The following CLPB variants were observed in gnomAD, a reference collection of about 807,000 sequenced individuals.
CLPB encodes mitochondrial disaggregase.
In CLPB, 40 loss-of-function variants were observed where a neutral mutation model predicts 78.4. The observed-to-expected ratio is 0.51, with a 90% confidence interval of 0.40 to 0.66. CLPB has a LOEUF of 0.66. Ranked by LOEUF, CLPB falls within the 30% of genes least tolerant of loss-of-function variation. The probability of loss-of-function intolerance (pLI) is 0.00; values close to 1 mark genes in which losing one functional copy is unlikely to be tolerated. For synonymous variants in CLPB, 333 were observed against 348.0 expected, an observed-to-expected ratio of 0.96 and a Z score of 0.48; for missense variants, 780 against 886.9, an observed-to-expected ratio of 0.88 and a Z score of 1.53.
At chr11:72,373,110 C>A in intron 4 of CLPB, 1 of 1,014,760 alleles carries the variant, frequency 9.9e-7, no homozygotes, top group Non-Finnish European at 1.5e-6. Flanking sequence ...TGGGGTTGTT[C>A]CAAGCCCTCT....
intron 5 of CLPB, among the ~76,000 whole-genome samples, chr11:72,341,727 G>A (rs974808189): frequency 2.6e-5 from 4 of 152,218 alleles, no homozygotes; most frequent in Non-Finnish European, 5.9e-5. Flanking sequence ...AGGCCCACAG[G>A]ATGATCCCAA....
chr11:72,383,188 C>A (rs1256170168), intron 3 of CLPB, among the ~76,000 whole-genome samples: 1 of 151,058 alleles, frequency 6.6e-6, no homozygotes, highest in Non-Finnish European at 1.5e-5. Context: ...AGATTCAGTC[C>A]AAATAACACT....
chr11:72,337,932 C>T (rs1950350754), intron 5 of CLPB, among the ~76,000 whole-genome samples: 1 of 152,190 alleles, frequency 6.6e-6, no homozygotes, highest in Admixed American at 6.5e-5. Context: ...TGGTGACACA[C>T]ATTAAGTAAC....
intron 4 of CLPB, among the ~76,000 whole-genome samples, chr11:72,370,384 A>C (rs1424532242): frequency 6.6e-6 from 1 of 152,186 alleles, no homozygotes; most frequent in Non-Finnish European, 1.5e-5. Flanking sequence ...TGGCTGATTC[A>C]TTTAATCATG....
At chr11:72,409,148 T>C (rs990253998) in intron 2 of CLPB, among the ~76,000 whole-genome samples, 2 of 152,136 alleles carry the variant, frequency 1.3e-5, no homozygotes, top group African/African-American at 4.8e-5. Flanking sequence ...AGGGTGGGCA[T>C]AGTGGGCCTT....
At chr11:72,397,497 T>C (rs768593895) in intron 3 of CLPB, among the ~76,000 whole-genome samples, 19 of 152,318 alleles carry the variant, frequency 1.2e-4, no homozygotes, top group Non-Finnish European at 2.2e-4. Context: ...CTATCAGTGA[T>C]GTATCAATAT....
At chr11:72,326,361 T>C (rs1047647239) in intron 6 of CLPB, among the ~76,000 whole-genome samples, 1 of 152,196 alleles carries the variant, frequency 6.6e-6, no homozygotes, top group African/African-American at 2.4e-5. Flanking sequence ...TATCAGACTA[T>C]AGCTCCTTGA....
intron 5 of CLPB, among the ~76,000 whole-genome samples, chr11:72,330,796 C>A (rs188302789): frequency 4.5e-4 from 68 of 152,200 alleles, no homozygotes; most frequent in African/African-American, 1.5e-3. Context: ...TTACACAGAA[C>A]ATTAAGGTAA....
chr11:72,303,046 A>T (rs1949688052), intron 9 of CLPB: 1 of 152,324 alleles, frequency 6.6e-6, no homozygotes, highest in African/African-American at 2.4e-5. Flanking sequence ...GGCCATGGTT[A>T]GCCCTTGGGG....
chr11:72,391,944 G>A (rs538582661), intron 3 of CLPB, among the ~76,000 whole-genome samples: 2 of 152,256 alleles, frequency 1.3e-5, no homozygotes, highest in East Asian at 3.9e-4. Flanking sequence ...CAATAAATGG[G>A]AGGGCAGTTA....
intron 3 of CLPB, among the ~76,000 whole-genome samples, chr11:72,394,293 TCTCACA>T (rs1421986630): frequency 2.0e-5 from 3 of 152,170 alleles, no homozygotes; most frequent in Non-Finnish European, 2.9e-5. Flanking sequence ...AACTAGACCA[TCTCACA>T]GTTCCTAGAG....
intron 4 of CLPB, among the ~76,000 whole-genome samples, chr11:72,363,759 T>C (rs3741163): frequency 0.56 from 85,244 of 152,068 alleles, 26,987 homozygotes; most frequent in Non-Finnish European, 0.7. Flanking sequence ...TAAGCCTGAG[T>C]GGCTCCATGG....
intron 5 of CLPB, among the ~76,000 whole-genome samples, chr11:72,341,762 T>C (rs1453169407): frequency 2.0e-5 from 3 of 152,148 alleles, no homozygotes; most frequent in African/African-American, 7.2e-5. Context: ...ATCATCCTCA[T>C]CCTCTCTTGG....
chr11:72,339,183 T>A (rs142809572), intron 5 of CLPB, among the ~76,000 whole-genome samples: 2 of 152,274 alleles, frequency 1.3e-5, no homozygotes, highest in African/African-American at 4.8e-5. Flanking sequence ...AGATGGAAGA[T>A]TGACATTAAG....
chr11:72,325,768 T>C (rs1273211194), intron 6 of CLPB, among the ~76,000 whole-genome samples: 1 of 152,024 alleles, frequency 6.6e-6, no homozygotes. Context: ...TAAGAGGGAA[T>C]GGGGGGCCCT....
intron 3 of CLPB, among the ~76,000 whole-genome samples, chr11:72,391,404 A>G (rs1855250959): frequency 6.6e-6 from 1 of 152,050 alleles, no homozygotes; most frequent in Non-Finnish European, 1.5e-5. Context: ...TGACCCTCAT[A>G]TTGTATCATG....
At chr11:72,368,223 C>T (rs1950979464) in intron 4 of CLPB, among the ~76,000 whole-genome samples, 1 of 152,150 alleles carries the variant, frequency 6.6e-6, no homozygotes, top group South Asian at 2.1e-4. Context: ...TCCTCCAATA[C>T]TCAGACAACT....
intron 9 of CLPB, among the ~76,000 whole-genome samples, chr11:72,303,647 T>C (rs1949698456): frequency 6.6e-6 from 1 of 152,108 alleles, no homozygotes; most frequent in African/African-American, 2.4e-5. Flanking sequence ...TAAGGCCACA[T>C]GGGGGAAAGC....
chr11:72,297,696 TGTGTGTGA>T (rs1949579686), intron 11 of CLPB, among the ~76,000 whole-genome samples: 2 of 119,490 alleles, frequency 1.7e-5, no homozygotes, highest in African/African-American at 7.7e-5. Flanking sequence ...TGTGTGTGTG[TGTGTGTGA>T]CATGTCCAAG....
Sources: gnomAD v4.1 joint callset for allele counts (sites outside exome capture counted in the v4.1 genomes callset) on GRCh38, gnomAD v4.1.1 for gene constraint, MANE v1.5 for transcripts, NCBI Gene and HGNC (gene_info 2026-07-23, HGNC 2026-07-21) for gene names.